CSPP1: variants seen among roughly 807,000 people sequenced by gnomAD.
CSPP1 encodes centrosome and spindle pole-associated protein 1.
A neutral mutation model predicts 164.4 loss-of-function variants in CSPP1; 126 were observed. The ratio of observed to expected loss-of-function variants is 0.77; its 90% CI spans 0.66 to 0.89. CSPP1 has a LOEUF of 0.89. CSPP1 is among the 40% of genes least tolerant of loss of function. The pLI is 0.00. For synonymous variants in CSPP1, 472 were observed against 476.7 expected, an observed-to-expected ratio of 0.99 and a Z score of 0.13; for missense variants, 1,395 against 1,449.8, an observed-to-expected ratio of 0.96 and a Z score of 0.61.
At chr8:67,171,542 T>A (rs1380324722) in intron 24 of CSPP1, among the ~76,000 whole-genome samples, 1 of 151,868 alleles carries the variant, frequency 6.6e-6, no homozygotes, top group Admixed American at 6.6e-5. Context: ...ACTATCATGC[T>A]TGACTAATTT....
chr8:67,115,555 C>T (rs957534007), intron 12 of CSPP1, among the ~76,000 whole-genome samples: 3 of 152,032 alleles, frequency 2.0e-5, no homozygotes, highest in Non-Finnish European at 2.9e-5. Flanking sequence ...GCCTGTAACC[C>T]CAGCTACTCT....
chr8:67,169,686 C>T (rs372960617), intron 24 of CSPP1, among the ~76,000 whole-genome samples: 13 of 152,010 alleles, frequency 8.6e-5, no homozygotes, highest in African/African-American at 3.1e-4. Flanking sequence ...GTGATCCACC[C>T]GCCTCGGCCT....
chr8:67,099,189 A>G (rs549128065), intron 7 of CSPP1: 1 of 152,074 alleles, frequency 6.6e-6, no homozygotes, highest in East Asian at 1.9e-4. Flanking sequence ...CCTCAATCAT[A>G]TCTGATTTGC....
chr8:67,098,415 T>C (rs971971410), intron 7 of CSPP1, among the ~76,000 whole-genome samples: 2 of 151,424 alleles, frequency 1.3e-5, no homozygotes, highest in Non-Finnish European at 3.0e-5. Flanking sequence ...TTTTTTCATA[T>C]ACCATAATTA....
intron 28 of CSPP1, among the ~76,000 whole-genome samples, chr8:67,188,332 T>C (rs987467209): frequency 1.3e-5 from 2 of 152,210 alleles, no homozygotes; most frequent in African/African-American, 4.8e-5. Context: ...TAAGCCTAGC[T>C]GGGAAGGTGA....
chr8:67,192,609 A>C (rs981929873), intron 29 of CSPP1, among the ~76,000 whole-genome samples: 7 of 152,080 alleles, frequency 4.6e-5, no homozygotes, highest in Non-Finnish European at 5.9e-5. Context: ...ATTGCCAACC[A>C]CAAGATCATG....
At chr8:67,115,854 C>T (rs759498780) in intron 12 of CSPP1, 60 bp from the exon 13 acceptor site, 150 of 1,337,318 alleles carry the variant, frequency 1.1e-4, no homozygotes, top group Non-Finnish European at 1.5e-4. Context: ...CTTTTGAGGT[C>T]CCTTCCACCT....
chr8:67,175,482 T>C, intron 26 of CSPP1, 46 bp downstream of exon 26: 2 of 1,607,564 alleles, frequency 1.2e-6, no homozygotes, highest in Non-Finnish European at 1.7e-6. Context: ...GCACGCTGTT[T>C]TTCCGTAGGC....
At chr8:67,177,821 A>G in intron 27 of CSPP1, 95 bp downstream of exon 27, 1 of 876,850 alleles carries the variant, frequency 1.1e-6, no homozygotes, top group Admixed American at 1.7e-5. Flanking sequence ...TGAATTATTC[A>G]GGAATATTGA....
chr8:67,096,900 C>A (rs184398153), intron 7 of CSPP1, among the ~76,000 whole-genome samples: 10 of 151,928 alleles, frequency 6.6e-5, no homozygotes, highest in African/African-American at 2.4e-4. Flanking sequence ...TAAAATAAAA[C>A]GTGTGAAAAA....
At chr8:67,132,148 A>C in intron 16 of CSPP1, 68 bp downstream of exon 16, 36 of 1,448,924 alleles carry the variant, frequency 2.5e-5, no homozygotes, top group African/African-American at 4.3e-5. Flanking sequence ...CTTAGAGCTC[A>C]GAGTGTGGCC....
At chr8:67,111,357 A>G (rs1816797444) in intron 9 of CSPP1, among the ~76,000 whole-genome samples, 1 of 152,210 alleles carries the variant, frequency 6.6e-6, no homozygotes, top group Non-Finnish European at 1.5e-5. Context: ...GACAGTTAAT[A>G]TTACATAGTG....
intron 13 of CSPP1, among the ~76,000 whole-genome samples, chr8:67,116,907 G>A (rs1328525000): frequency 6.6e-6 from 1 of 152,060 alleles, no homozygotes; most frequent in Non-Finnish European, 1.5e-5. Context: ...ACCAACTGTG[G>A]AAGTGTGTTT....
intron 21 of CSPP1, among the ~76,000 whole-genome samples, chr8:67,160,340 C>G (rs1382106059): frequency 6.6e-6 from 1 of 151,756 alleles, no homozygotes; most frequent in Non-Finnish European, 1.5e-5. Flanking sequence ...TGGCAGGCAC[C>G]TGTAGTCCCA....
chr8:67,093,578 T>G lies in CSPP1; in HGVS notation c.420T>G (p.Asn140Lys), dbSNP rs1306469086. ...RLKLERNKEYNQFLRGKEESS... is the reference protein window; with the variant it reads ...RLKLERNKEYKQFLRGKEESS... ...AACTTGAACGTAACAAAGAATACAA[T>G]CAGTTTCTCAGGGGTAAGGAAGAAT... Residue 140 changes from asparagine (N) to lysine (K), a missense_variant, in exon 6 of 31, where the codon AAT becomes AAG. By Grantham distance (94) the Asn-to-Lys change is moderately conservative. Coordinates refer to ENST00000678616, the MANE Select transcript of CSPP1 (RefSeq NM_001382391.1). The G allele has an allele frequency of 6.2e-7, 1 of 1,611,668 alleles. No homozygotes were observed. The highest frequency in any genetic ancestry group is 1.7e-5 in the Admixed American group (1 of 59,958).
chr8:67,076,712 T>G, intron 3 of CSPP1, 131 bp downstream of exon 3: 1 of 514,120 alleles, frequency 1.9e-6, no homozygotes, highest in Non-Finnish European at 3.4e-6. Context: ...CTTACGTAAG[T>G]CAATATGGTC....
intron 7 of CSPP1, 26 bp from the exon 8 acceptor site, chr8:67,103,011 G>A: frequency 7.1e-7 from 1 of 1,399,794 alleles, no homozygotes; most frequent in Non-Finnish European, 1.0e-6. Context: ...TGTGGCACAT[G>A]CTTTATAAGC....
At chr8:67,089,711 A>G (rs532576796) in intron 4 of CSPP1, among the ~76,000 whole-genome samples, 4 of 152,146 alleles carry the variant, frequency 2.6e-5, no homozygotes, top group African/African-American at 9.7e-5. Context: ...GTAGGCACTC[A>G]GTATTTATTG....
Position 67,095,539 on chromosome 8 carries a change from C to G in CSPP1, c.730C>G (p.Leu244Val). The change falls in exon 7 of 31, where the codon CTA (leucine) becomes GTA (valine). Residue 244 changes from leucine (L) to valine (V), a missense_variant. By Grantham distance (32) the Leu-to-Val change is conservative. Transcript: ENST00000678616. Reference protein sequence around the residue: ...KANEEVGISNLKHQRFASKAG... With the variant: ...KANEEVGISNVKHQRFASKAG... ...AAATGAAGAAGTGGGCATTTCCAAC[C>G]TAAAACATCAAAGGTTTGCAAGCAA... 6.2e-7 allele frequency: 1 copy of G among 1,613,284 alleles called. No individual in the cohort carries two copies. Among genetic ancestry groups the G allele is most frequent in the Non-Finnish European group, 8.5e-7 (1 of 1,179,870 alleles).
Sources: gnomAD v4.1 joint callset for allele counts (sites outside exome capture counted in the v4.1 genomes callset) on GRCh38, gnomAD v4.1.1 for gene constraint, MANE v1.5 for transcripts, NCBI Gene and HGNC (gene_info 2026-07-23, HGNC 2026-07-21) for gene names.